TENM2: variants seen among roughly 807,000 people sequenced by gnomAD.
The protein encoded by TENM2 is teneurin-2.
TENM2 carries 52 observed loss-of-function variants against 245.2 expected under a neutral mutation model. That is an observed-to-expected ratio of 0.21 (90% confidence interval 0.17 to 0.27). The LOEUF (loss-of-function observed/expected upper bound fraction) is 0.27, where lower values mean the gene tolerates loss of function less well. Among genes scored for constraint, TENM2 ranks in the 10% least tolerant of loss-of-function variants. The pLI, the probability that TENM2 is intolerant of heterozygous loss-of-function variation, is 1.00. For synonymous variants in TENM2, 1,363 were observed against 1,438.9 expected, an observed-to-expected ratio of 0.95 and a Z score of 1.19; for missense variants, 3,046 against 3,666.8, an observed-to-expected ratio of 0.83 and a Z score of 4.37.
At chr5:167,377,685 A>G (rs1036765300) in intron 2 of TENM2, among the ~76,000 whole-genome samples, 10 of 152,196 alleles carry the variant, frequency 6.6e-5, no homozygotes, top group African/African-American at 2.4e-4. Flanking sequence ...ACTTCAGTAA[A>G]CTTCTTGCTC....
At chr5:167,679,426 C>T (rs1450948897) in intron 2 of TENM2, among the ~76,000 whole-genome samples, 1 of 152,092 alleles carries the variant, frequency 6.6e-6, no homozygotes, top group Non-Finnish European at 1.5e-5. Context: ...ATGTTATCAG[C>T]TAGTACTATA....
At chr5:167,626,044 A>G (rs1396844564) in intron 2 of TENM2, among the ~76,000 whole-genome samples, 2 of 152,144 alleles carry the variant, frequency 1.3e-5, no homozygotes, top group Admixed American at 6.5e-5. Context: ...TTTCTTCCAC[A>G]TTCTGCTCTT....
intron 12 of TENM2, among the ~76,000 whole-genome samples, chr5:168,156,714 C>CT (rs796976966): frequency 0.023 from 3,428 of 150,412 alleles, 129 homozygotes; most frequent in African/African-American, 0.077. Flanking sequence ...TGTGGACAGA[C>CT]TTTTTTTTTT....
intron 10 of TENM2, among the ~76,000 whole-genome samples, chr5:168,120,125 C>T (rs1435462443): frequency 6.6e-6 from 1 of 152,138 alleles, no homozygotes; most frequent in Non-Finnish European, 1.5e-5. Flanking sequence ...CTATGGCTAC[C>T]AAAAGTCAGC....
chr5:167,683,395 G>A (rs1756868481), intron 2 of TENM2, among the ~76,000 whole-genome samples: 1 of 152,110 alleles, frequency 6.6e-6, no homozygotes, highest in Non-Finnish European at 1.5e-5. Context: ...TTGCACAAAT[G>A]TCACTAACCT....
chr5:167,358,803 G>GCACACACA (rs58530155), intron 1 of TENM2, among the ~76,000 whole-genome samples: 3 of 143,872 alleles, frequency 2.1e-5, no homozygotes, highest in African/African-American at 7.8e-5. Flanking sequence ...ATTCTGATCT[G>GCACACACA]CACACACACA....
At chr5:167,760,815 G>A (rs1762614613) in intron 2 of TENM2, among the ~76,000 whole-genome samples, 1 of 152,118 alleles carries the variant, frequency 6.6e-6, no homozygotes, top group African/African-American at 2.4e-5. Context: ...CACGATGCCT[G>A]GCTAATTTTT....
intron 4 of TENM2, among the ~76,000 whole-genome samples, chr5:167,969,562 G>C (rs36064369): frequency 0.096 from 14,567 of 152,194 alleles, 746 homozygotes; most frequent in South Asian, 0.17. Flanking sequence ...AATGAAACTT[G>C]AGAAAGTGGA....
chr5:167,615,269 T>C (rs755389111), intron 2 of TENM2, among the ~76,000 whole-genome samples: 13 of 152,156 alleles, frequency 8.5e-5, no homozygotes, highest in Non-Finnish European at 1.8e-4. Flanking sequence ...ATGATGATTC[T>C]TCCTTAAGAA....
rs551584559 is a variant in TENM2, at chr5:167,285,387, T to C, written c.226+324T>C. Among the ~76,000 whole-genome samples, 4 of 152,332 alleles carry C rather than the reference T, an allele frequency of 2.6e-5. No homozygotes were observed. The East Asian group carries it at 7.7e-4, about 29-fold the overall frequency. On this transcript the variant is annotated intron_variant, in intron 1 of 28. Coordinates refer to ENST00000518659, the Ensembl canonical transcript of TENM2. The stretch of plus-strand genomic sequence containing the variant: ...TGGTTAAAACATCTTTGAAATAGTG[T>C]ATAATAATACGCCCTTTTCCCTCTA...
At chr5:167,238,009 C>CAAAAAAAAA in the TENM2 span, among the ~76,000 whole-genome samples, 3 of 44,098 alleles carry the variant, frequency 6.8e-5, no homozygotes, top group African/African-American at 1.7e-4. Context: ...GACTCTGTCT[C>CAAAAAAAAA]AAAAAAAAAA....
At chr5:167,399,203 T>G (rs1034908560) in intron 2 of TENM2, among the ~76,000 whole-genome samples, 6 of 152,130 alleles carry the variant, frequency 3.9e-5, no homozygotes, top group African/African-American at 1.4e-4. Flanking sequence ...AGTTAAATAT[T>G]AATTAAGAAG....
intron 2 of TENM2, among the ~76,000 whole-genome samples, chr5:167,853,265 G>C (rs1348141215): frequency 5.6e-4 from 44 of 78,448 alleles, no homozygotes; most frequent in Middle Eastern, 0.023. Context: ...ACTCCAGCCT[G>C]GGAGACAGAG....
chr5:167,275,244 C>G, the TENM2 span, among the ~76,000 whole-genome samples: 2 of 152,040 alleles, frequency 1.3e-5, no homozygotes, highest in Non-Finnish European at 1.5e-5. Context: ...TCCACCAACA[C>G]CACACAGTAT....
intron 3 of TENM2, among the ~76,000 whole-genome samples, chr5:167,929,981 C>T (rs566384634): frequency 2.6e-5 from 4 of 152,306 alleles, no homozygotes; most frequent in East Asian, 1.9e-4. Flanking sequence ...ATTCTCAAGA[C>T]AACACTGTTA....
chr5:167,028,757 C>T, the TENM2 span, among the ~76,000 whole-genome samples: 3 of 151,704 alleles, frequency 2.0e-5, no homozygotes, highest in Admixed American at 6.6e-5. Context: ...TCAATGTGTC[C>T]GCTCAGTAAG....
At chr5:167,124,416 T>C in the TENM2 span, among the ~76,000 whole-genome samples, 2 of 152,210 alleles carry the variant, frequency 1.3e-5, no homozygotes, top group African/African-American at 4.8e-5. Flanking sequence ...CTTTCCTAGA[T>C]TGCAGATTAA....
intron 2 of TENM2, among the ~76,000 whole-genome samples, chr5:167,498,677 G>A (rs973350808): frequency 6.6e-6 from 1 of 151,964 alleles, no homozygotes; most frequent in Non-Finnish European, 1.5e-5. Context: ...ACCCCGTGCG[G>A]CATCACACAA....
At chr5:168,031,632 G>A (rs548215350) in intron 5 of TENM2, among the ~76,000 whole-genome samples, 29 of 143,970 alleles carry the variant, frequency 2.0e-4, no homozygotes, top group African/African-American at 5.3e-4. Context: ...TCGAGTAAGG[G>A]AGAGAGAGAG....
Sources: gnomAD v4.1 joint callset for allele counts (sites outside exome capture counted in the v4.1 genomes callset) on GRCh38, gnomAD v4.1.1 for gene constraint, MANE v1.5 for transcripts, NCBI Gene and HGNC (gene_info 2026-07-23, HGNC 2026-07-21) for gene names.